The following CCDC30 variants were observed in gnomAD, a reference collection of about 807,000 sequenced individuals.
The protein encoded by CCDC30 is coiled-coil domain-containing protein 30.
Under a neutral mutation model 100.2 loss-of-function variants are expected in CCDC30, and 70 were observed. The observed-to-expected ratio is 0.70, with a 90% CI of 0.58 to 0.85. CCDC30 has a LOEUF of 0.85. CCDC30 is among the 40% of genes least tolerant of loss of function. The pLI is 0.00. For missense variants in CCDC30, 652 were observed against 771.2 expected (o/e 0.85, Z 1.83); for synonymous variants, 233 against 269.5 (o/e 0.86, Z 1.33).
intron 6 of CCDC30, chr1:42,539,259 T>A (rs1295546073): frequency 3.1e-6 from 5 of 1,610,856 alleles, no homozygotes; most frequent in Non-Finnish European, 4.2e-6. Flanking sequence ...AAGACCATTT[T>A]TTAATAGCAT....
chr1:42,646,342 C>A, intron 15 of CCDC30, 25 bp downstream of exon 19: 1 of 1,453,636 alleles, frequency 6.9e-7, no homozygotes. Flanking sequence ...CTTCCACATC[C>A]ACAATACCCT....
At chr1:42,634,328 A>G (rs150982845) in intron 11 of CCDC30, among the ~76,000 whole-genome samples, 25 of 152,018 alleles carry the variant, frequency 1.6e-4, no homozygotes, top group African/African-American at 6.0e-4. Context: ...TCTGGAGACC[A>G]TTTTAGTTGT....
chr1:42,607,850 A>T (rs12024674), intron 10 of CCDC30, among the ~76,000 whole-genome samples: 30,160 of 152,118 alleles, frequency 0.2, 3,288 homozygotes, highest in South Asian at 0.42. Flanking sequence ...GATTCCATCT[A>T]TGCTTTCTGC....
At chr1:42,540,223 G>A (rs922116938) in intron 6 of CCDC30, among the ~76,000 whole-genome samples, 2 of 152,194 alleles carry the variant, frequency 1.3e-5, no homozygotes, top group African/African-American at 4.8e-5. Flanking sequence ...TCAGGAGCAG[G>A]TTGCTGAGGG....
rs761806567 is a variant in CCDC30, at chr1:42,646,307, C to G, written c.1844C>G (p.Ser615Cys). ...GAGGCCACAGAGAAGTGGAAACACT[C>G]TGAGCAGATGGTAGGAGAATCCAAC... The change falls in exon 15 of 17, where the codon TCT (serine) becomes TGT (cysteine). Residue 615 changes from serine to cysteine, a missense_variant. By Grantham distance (112) the Ser-to-Cys change is moderately radical (BLOSUM62 -1). Coordinates refer to ENST00000668663, the Ensembl canonical transcript of CCDC30. 3.3e-6 allele frequency: 5 copies of G among 1,532,580 alleles called. No individual in the cohort carries two copies. In the African/African-American group the frequency reaches 5.5e-5, roughly 17 times the overall value. The allele number at this position is 1,532,580 out of a possible 1,614,324, so 94.9% of individuals were successfully genotyped here.
chr1:42,464,301 CA>C (rs1643498917), intron 1 of CCDC30: 1 of 152,152 alleles, frequency 6.6e-6, no homozygotes, highest in South Asian at 2.1e-4. Context: ...GGACCCATTT[CA>C]GGCTTACATA....
intron 6 of CCDC30, chr1:42,534,894 G>A (rs1644867057): frequency 6.6e-6 from 1 of 152,120 alleles, no homozygotes; most frequent in Non-Finnish European, 1.5e-5. Flanking sequence ...TTTAGATTGA[G>A]GCTTCCATGT....
At chr1:42,514,119 T>A (rs936017193) in intron 6 of CCDC30, among the ~76,000 whole-genome samples, 1 of 152,222 alleles carries the variant, frequency 6.6e-6, no homozygotes, top group Non-Finnish European at 1.5e-5. Flanking sequence ...ATATCAGATA[T>A]ACATCACATT....
At chr1:42,588,603 C>T (rs2148605103) in intron 9 of CCDC30, among the ~76,000 whole-genome samples, 1 of 152,190 alleles carries the variant, frequency 6.6e-6, no homozygotes, top group South Asian at 2.1e-4. Flanking sequence ...AAGAGATAGC[C>T]ATTGTCTTGT....
chr1:42,542,199 A>C (rs1645024476), intron 6 of CCDC30, among the ~76,000 whole-genome samples: 1 of 152,186 alleles, frequency 6.6e-6, no homozygotes, highest in Admixed American at 6.5e-5. Context: ...TGATGGCTTT[A>C]ACTTTCTTTG....
intron 6 of CCDC30, among the ~76,000 whole-genome samples, chr1:42,540,091 G>A (rs1213572406): frequency 3.9e-5 from 6 of 152,180 alleles, no homozygotes; most frequent in Non-Finnish European, 7.3e-5. Context: ...CTAGACTAAA[G>A]ATTAAGGAGC....
intron 3 of CCDC30, among the ~76,000 whole-genome samples, chr1:42,484,668 T>C (rs1644020970): frequency 6.6e-6 from 1 of 152,200 alleles, no homozygotes; most frequent in South Asian, 2.1e-4. Context: ...AATTTGTAGC[T>C]AGGCATGTGT....
chr1:42,553,560 G>A (rs1316619476), intron 6 of CCDC30, among the ~76,000 whole-genome samples: 3 of 151,536 alleles, frequency 2.0e-5, no homozygotes, highest in Non-Finnish European at 2.9e-5. Flanking sequence ...GGAGGCTGAG[G>A]CAGGAGGATT....
At position 42,501,735 on chromosome 1, in the gene CCDC30, G is replaced by A. The variant is rs149753417; in HGVS notation, c.456+2819G>A. Among the ~76,000 whole-genome samples, 899 of 152,206 alleles carry A rather than the reference G, an allele frequency of 5.9e-3. 8 individuals carry two copies. The highest frequency in any genetic ancestry group is 0.02 in the African/African-American group (830 of 41,508). ...TGGAGGTCCACTCCAGACCCTGTTT[G>A]TCTGGGTATCACCAGCAGAGGCTGC... On this transcript the variant is annotated intron_variant, in intron 6 of 16. Coordinates refer to ENST00000668663, the Ensembl canonical transcript of CCDC30.
chr1:42,615,199 G>T (rs552329123), intron 11 of CCDC30, among the ~76,000 whole-genome samples: 3 of 152,320 alleles, frequency 2.0e-5, no homozygotes, highest in African/African-American at 7.2e-5. Flanking sequence ...GGGAGATGAA[G>T]TAGCTATATT....
chr1:42,635,645 TA>T (rs1173444752), intron 11 of CCDC30, among the ~76,000 whole-genome samples: 3 of 151,826 alleles, frequency 2.0e-5, no homozygotes, highest in South Asian at 4.2e-4. Flanking sequence ...CCGTCTCTAC[TA>T]AAAATACAAA....
chr1:42,545,083 A>G (rs1198394486), intron 6 of CCDC30, among the ~76,000 whole-genome samples: 1 of 149,886 alleles, frequency 6.7e-6, no homozygotes, highest in Non-Finnish European at 1.5e-5. Flanking sequence ...TGTAGATCAC[A>G]TATTTGTGCT....
intron 6 of CCDC30, among the ~76,000 whole-genome samples, chr1:42,544,102 A>G (rs775719472): frequency 5.3e-5 from 8 of 152,122 alleles, no homozygotes; most frequent in Non-Finnish European, 7.4e-5. Flanking sequence ...TATGTTGCTT[A>G]GGCTGGACTC....
intron 6 of CCDC30, among the ~76,000 whole-genome samples, chr1:42,550,997 A>C (rs1467273645): frequency 6.6e-6 from 1 of 151,944 alleles, no homozygotes; most frequent in Non-Finnish European, 1.5e-5. Context: ...TTATACTTTA[A>C]GTTCTAGGGT....
Sources: gnomAD v4.1 joint callset for allele counts (sites outside exome capture counted in the v4.1 genomes callset) on GRCh38, gnomAD v4.1.1 for gene constraint, MANE v1.5 for transcripts, NCBI Gene and HGNC (gene_info 2026-07-23, HGNC 2026-07-21) for gene names.